The following NXPH1 variants were observed in gnomAD, a reference collection of about 807,000 sequenced individuals.
NXPH1 encodes neurexophilin-1.
Under a neutral mutation model 23.7 loss-of-function variants are expected in NXPH1, and 5 were observed. That is an observed-to-expected ratio of 0.21 (90% CI 0.11 to 0.44). The LOEUF (loss-of-function observed/expected upper bound fraction) is 0.44, where lower values mean the gene tolerates loss of function less well. Among genes scored for constraint, NXPH1 ranks in the 20% least tolerant of loss-of-function variants. The pLI is 0.99. For synonymous variants in NXPH1, 144 were observed against 122.2 expected, an observed-to-expected ratio of 1.18 and a Z score of -1.18; for missense variants, 324 against 321.6, an observed-to-expected ratio of 1.01 and a Z score of -0.06.
chr7:8,571,599 A>G (rs1367935918), intron 2 of NXPH1, among the ~76,000 whole-genome samples: 1 of 152,004 alleles, frequency 6.6e-6, no homozygotes, highest in Admixed American at 6.6e-5. Flanking sequence ...GACAAATGCT[A>G]GACATATCCC....
chr7:8,502,935 A>G (rs1817459814), intron 2 of NXPH1, among the ~76,000 whole-genome samples: 1 of 151,940 alleles, frequency 6.6e-6, no homozygotes, highest in African/African-American at 2.4e-5. Flanking sequence ...ATGATGCACA[A>G]GGTAGTACTA....
At chr7:8,736,302 G>A (rs551433072) in intron 2 of NXPH1, among the ~76,000 whole-genome samples, 2 of 152,272 alleles carry the variant, frequency 1.3e-5, no homozygotes, top group South Asian at 4.1e-4. Flanking sequence ...TGCTTTAGCT[G>A]TATCCCAGAG....
At chr7:8,652,491 A>G (rs983634264) in intron 2 of NXPH1, among the ~76,000 whole-genome samples, 10 of 152,188 alleles carry the variant, frequency 6.6e-5, no homozygotes, top group African/African-American at 1.4e-4. Context: ...ACAAAATTCT[A>G]TTACATGATA....
At chr7:8,475,870 A>C (rs181881484) in intron 2 of NXPH1, among the ~76,000 whole-genome samples, 1 of 152,304 alleles carries the variant, frequency 6.6e-6, no homozygotes, top group Admixed American at 6.5e-5. Context: ...TTGAACTGGC[A>C]TTTGAATTCT....
At chr7:8,590,968 G>T (rs1283370971) in intron 2 of NXPH1, among the ~76,000 whole-genome samples, 1 of 152,030 alleles carries the variant, frequency 6.6e-6, no homozygotes, top group African/African-American at 2.4e-5. Flanking sequence ...ATTAGGTGTT[G>T]CTTCTGTGTA....
intron 2 of NXPH1, among the ~76,000 whole-genome samples, chr7:8,600,900 A>T (rs28539463): frequency 1.3e-5 from 2 of 151,478 alleles, no homozygotes; most frequent in Non-Finnish European, 2.9e-5. Context: ...AAAAAAAGTT[A>T]TGTCTGTACT....
intron 2 of NXPH1, among the ~76,000 whole-genome samples, chr7:8,524,508 A>G (rs900560520): frequency 6.6e-6 from 1 of 152,234 alleles, no homozygotes; most frequent in Admixed American, 6.5e-5. Context: ...AAATCATAGC[A>G]TGGATTGTTC....
At position 8,751,742 on chromosome 7, in the gene NXPH1, T is replaced by C. The variant is rs1297211644; in HGVS notation, c.789T>C (p.Ser263=). The change falls in exon 3 of 3, where the codon AGT becomes AGC. Residue 263 remains serine, a synonymous_variant. Transcript: ENST00000405863. This position sits in a 1 kb window ranked among gnomAD's most constrained non-coding sequence, Gnocchi z 4.5. ...TGTGCCCTGACTACAACTACCACAGTGACACACCTTACTTTCCCTCGGGAT... is the reference window on the plus strand; with the variant it reads ...TGTGCCCTGACTACAACTACCACAGCGACACACCTTACTTTCCCTCGGGAT... ...QKVCPDYNYH[S]DTPYFPSG 1 of 1,611,450 alleles carries C rather than the reference T, an allele frequency of 6.2e-7. No individual in the cohort carries two copies. Among genetic ancestry groups the C allele is most frequent in the African/African-American group, 1.3e-5 (1 of 74,856 alleles).
At chr7:8,553,361 A>G (rs576183872) in intron 2 of NXPH1, among the ~76,000 whole-genome samples, 1 of 128,448 alleles carries the variant, frequency 7.8e-6, no homozygotes, top group African/African-American at 2.9e-5. Flanking sequence ...TTTGCTTATT[A>G]TGTGTATTAG....
intron 2 of NXPH1, among the ~76,000 whole-genome samples, chr7:8,612,583 G>T (rs1227016724): frequency 6.6e-6 from 1 of 151,972 alleles, no homozygotes; most frequent in Admixed American, 6.6e-5. Context: ...AATCAGTTCT[G>T]CATTCTAACA....
chr7:8,684,193 T>A (rs182921875), intron 2 of NXPH1, among the ~76,000 whole-genome samples: 109 of 152,298 alleles, frequency 7.2e-4, no homozygotes, highest in African/African-American at 2.5e-3. Flanking sequence ...GAAGAAACTT[T>A]CTACGGTCAG....
intron 2 of NXPH1, among the ~76,000 whole-genome samples, chr7:8,519,012 A>T (rs1817729189): frequency 6.6e-6 from 1 of 152,106 alleles, no homozygotes; most frequent in African/African-American, 2.4e-5. Flanking sequence ...TATGTAAAGC[A>T]TGTAGCAGAG....
intron 2 of NXPH1, among the ~76,000 whole-genome samples, chr7:8,581,068 C>T (rs1442153344): frequency 6.6e-6 from 1 of 152,168 alleles, no homozygotes; most frequent in Admixed American, 6.5e-5. Context: ...CACCTTCCAC[C>T]TCTACCATTC....
At chr7:8,561,619 C>G (rs1260294586) in intron 2 of NXPH1, among the ~76,000 whole-genome samples, 1 of 151,622 alleles carries the variant, frequency 6.6e-6, no homozygotes, top group African/African-American at 2.4e-5. Context: ...GATTCACAGA[C>G]TGAATCTTTT....
chr7:8,747,706 C>G (rs1037934775), intron 2 of NXPH1, among the ~76,000 whole-genome samples: 1 of 152,148 alleles, frequency 6.6e-6, no homozygotes, highest in African/African-American at 2.4e-5. Flanking sequence ...GTGATAAGGG[C>G]AATGCTTATG....
At chr7:8,511,220 T>C (rs1399247823) in intron 2 of NXPH1, among the ~76,000 whole-genome samples, 1 of 152,174 alleles carries the variant, frequency 6.6e-6, no homozygotes, top group Non-Finnish European at 1.5e-5. Context: ...GCATTACTCA[T>C]ATCTCATTTG....
chr7:8,564,667 C>A (rs1818508453), intron 2 of NXPH1, among the ~76,000 whole-genome samples: 2 of 151,852 alleles, frequency 1.3e-5, no homozygotes, highest in African/African-American at 2.4e-5. Flanking sequence ...GAATGCTTTA[C>A]AAACTGGCCA....
chr7:8,751,244 T>A lies in NXPH1; in HGVS notation c.291T>A (p.Leu97=). Residue 97 remains leucine, a synonymous_variant, in exon 3 of 3, where the codon CTT becomes CTA. Transcript: ENST00000405863. This position sits in a 1 kb window ranked among gnomAD's most constrained non-coding sequence, Gnocchi z 4.5. ...ACTGGCTGAGGAACTCCACAGACCT[T>A]CAAGAGCCTCGGCCCAGGGCCAAGA... is the stretch of plus-strand genomic sequence containing the variant. ...LWDWLRNSTD[L]QEPRPRAKRR... 1 of 1,613,894 alleles carries A rather than the reference T, an allele frequency of 6.2e-7. No individual in the cohort carries two copies. The highest frequency in any genetic ancestry group is 8.5e-7 in the Non-Finnish European group (1 of 1,179,826).
chr7:8,556,461 G>T (rs1000969555), intron 2 of NXPH1, among the ~76,000 whole-genome samples: 1 of 151,614 alleles, frequency 6.6e-6, no homozygotes, highest in African/African-American at 2.4e-5. Flanking sequence ...TGTTGGCTGG[G>T]GGCTTTGATT....
Sources: allele counts gnomAD v4.1 joint callset (sites outside exome capture counted in the v4.1 genomes callset), GRCh38; gene constraint gnomAD v4.1.1; non-coding constraint Gnocchi (gnomAD v3.1); transcripts MANE v1.5; gene names NCBI Gene and HGNC (gene_info 2026-07-23, HGNC 2026-07-21).